KLHL1: variants seen among roughly 807,000 people sequenced by gnomAD.
The protein encoded by KLHL1 is kelch-like protein 1.
Under a neutral mutation model 77.7 loss-of-function variants are expected in KLHL1, and 47 were observed. The observed-to-expected ratio is 0.60, with a 90% CI of 0.48 to 0.77. The LOEUF (loss-of-function observed/expected upper bound fraction) is 0.77. Ranked by LOEUF, KLHL1 falls within the 30% of genes least tolerant of loss-of-function variation. KLHL1 has a pLI of 0.00. For synonymous variants in KLHL1, 360 were observed against 325.2 expected, an observed-to-expected ratio of 1.11 and a Z score of -1.15; for missense variants, 925 against 910.8, an observed-to-expected ratio of 1.02 and a Z score of -0.20.
intron 4 of KLHL1, among the ~76,000 whole-genome samples, chr13:69,913,493 G>T (rs1256786749): frequency 6.6e-6 from 1 of 152,226 alleles, no homozygotes; most frequent in East Asian, 1.9e-4. Context: ...ACAATTGAAA[G>T]ATGCTGCCTG....
intron 9 of KLHL1, among the ~76,000 whole-genome samples, chr13:69,715,118 G>A (rs916972272): frequency 6.6e-6 from 1 of 152,122 alleles, no homozygotes; most frequent in African/African-American, 2.4e-5. Flanking sequence ...AATTGGTATA[G>A]CTATTGTATC....
Position 69,826,712 on chromosome 13 carries a change from T to C in KLHL1, c.1414+12264A>G, listed in dbSNP as rs190057724. Reference sequence around the variant, plus strand: ...CAATATATACATATTCAAAGTATCATGTTTTAAACCTTAAATATATAAAAC... The same window carrying C: ...CAATATATACATATTCAAAGTATCACGTTTTAAACCTTAAATATATAAAAC... On this transcript the variant is annotated intron_variant, in intron 6 of 10. Coordinates refer to ENST00000377844, the MANE Select transcript of KLHL1 (RefSeq NM_020866.3). 1.1e-4 allele frequency among the ~76,000 whole-genome samples: 17 copies of C among 152,292 alleles called. No homozygotes were observed. In the East Asian group the frequency reaches 2.9e-3, roughly 26 times the overall value.
chr13:69,981,929 T>A (rs1884721664), intron 1 of KLHL1, among the ~76,000 whole-genome samples: 1 of 146,316 alleles, frequency 6.8e-6, no homozygotes, highest in African/African-American at 2.8e-5. Flanking sequence ...GAGGATACTA[T>A]TAAAATAATA....
intron 1 of KLHL1, among the ~76,000 whole-genome samples, chr13:70,081,068 A>T (rs946651353): frequency 3.3e-5 from 5 of 152,164 alleles, no homozygotes; most frequent in Admixed American, 3.3e-4. Flanking sequence ...GGGAAAAATT[A>T]TGCCATGTCC....
At chr13:70,015,262 A>G (rs1457319729) in intron 1 of KLHL1, among the ~76,000 whole-genome samples, 1 of 151,916 alleles carries the variant, frequency 6.6e-6, no homozygotes, top group African/African-American at 2.4e-5. Flanking sequence ...GATATAACCT[A>G]CTCCTCCTAG....
chr13:69,881,164 T>C (rs1880974814), intron 5 of KLHL1, among the ~76,000 whole-genome samples: 1 of 152,150 alleles, frequency 6.6e-6, no homozygotes, highest in African/African-American at 2.4e-5. Flanking sequence ...TTGCTGTTTT[T>C]TTCTCCTGTA....
chr13:69,831,950 A>T (rs993994342), intron 6 of KLHL1, among the ~76,000 whole-genome samples: 1 of 150,124 alleles, frequency 6.7e-6, no homozygotes, highest in African/African-American at 2.5e-5. Context: ...GACATACTTT[A>T]AGATAATAAA....
In KLHL1 at chr13:69,790,550, T is replaced by TAACA. The variant is rs376376802; in HGVS notation, c.1639+6184_1639+6187dup. Reference sequence around the variant, plus strand: ...AGATGTGAAATCTTCCACAAAATACTAACAAACAAATAAAGAAATACAGCA... The same window carrying TAACA: ...AGATGTGAAATCTTCCACAAAATACTAACAAACAAACAAATAAAGAAATACAGCA... On this transcript the variant is annotated intron_variant, in intron 7 of 10. Transcript: ENST00000377844. 6.4e-3 allele frequency among the ~76,000 whole-genome samples: 974 copies of TAACA among 152,192 alleles called. 8 individuals are homozygous for TAACA. The highest frequency in any genetic ancestry group is 0.021 in the African/African-American group (878 of 41,528).
chr13:69,878,948 G>T (rs1037715173), intron 5 of KLHL1, among the ~76,000 whole-genome samples: 1 of 152,126 alleles, frequency 6.6e-6, no homozygotes, highest in Non-Finnish European at 1.5e-5. Context: ...CATGTCCTTT[G>T]TAGGGACATG....
intron 1 of KLHL1, among the ~76,000 whole-genome samples, chr13:70,038,722 C>A (rs779981494): frequency 2.7e-5 from 4 of 150,850 alleles, no homozygotes; most frequent in African/African-American, 4.9e-5. Context: ...TCTAGAGTAG[C>A]TGGGATTACA....
intron 5 of KLHL1, among the ~76,000 whole-genome samples, chr13:69,863,527 T>C (rs1396173716): frequency 6.6e-6 from 1 of 152,086 alleles, no homozygotes; most frequent in Non-Finnish European, 1.5e-5. Context: ...TTTTCATGAT[T>C]GGTAAAACCT....
chr13:69,738,808 A>C (rs1217555988), intron 8 of KLHL1, among the ~76,000 whole-genome samples: 1 of 152,178 alleles, frequency 6.6e-6, no homozygotes, highest in East Asian at 1.9e-4. Context: ...GGAGAACAGA[A>C]CCAAGTTGGA....
chr13:69,945,042 G>C (rs1204896010), intron 3 of KLHL1, among the ~76,000 whole-genome samples: 1 of 134,864 alleles, frequency 7.4e-6, no homozygotes, highest in East Asian at 2.2e-4. Flanking sequence ...CTGGAGTGCA[G>C]TGGCGCCATC....
At chr13:69,954,719 A>G (rs1043812415) in intron 3 of KLHL1, among the ~76,000 whole-genome samples, 8 of 151,256 alleles carry the variant, frequency 5.3e-5, no homozygotes, top group Non-Finnish European at 5.9e-5. Context: ...CATAACAGTC[A>G]CAAAATTGAA....
chr13:69,900,177 C>T (rs953590413), intron 4 of KLHL1, among the ~76,000 whole-genome samples: 1 of 152,024 alleles, frequency 6.6e-6, no homozygotes, highest in Non-Finnish European at 1.5e-5. Flanking sequence ...CATCGAATTG[C>T]CTATAAAATT....
chr13:69,896,593 C>T (rs1881649494), intron 4 of KLHL1, among the ~76,000 whole-genome samples: 1 of 151,886 alleles, frequency 6.6e-6, no homozygotes, highest in Non-Finnish European at 1.5e-5. Flanking sequence ...ACAAATGTAT[C>T]ATATATGCTA....
chr13:69,722,106 C>T (rs554505252), intron 8 of KLHL1, among the ~76,000 whole-genome samples: 9 of 152,038 alleles, frequency 5.9e-5, no homozygotes, highest in South Asian at 4.1e-4. Context: ...CTGTGAGACA[C>T]CTAGCACAGC....
chr13:69,944,520 G>C (rs527637416), intron 3 of KLHL1, among the ~76,000 whole-genome samples: 4 of 152,174 alleles, frequency 2.6e-5, no homozygotes, highest in Non-Finnish European at 4.4e-5. Flanking sequence ...TGAACGGGGC[G>C]TTAGTCTTGG....
chr13:69,827,286 CATAAG>C (rs71853482), intron 6 of KLHL1, among the ~76,000 whole-genome samples: 20,145 of 151,610 alleles, frequency 0.13, 1,526 homozygotes, highest in African/African-American at 0.18. Flanking sequence ...TTTCTAAAAT[CATAAG>C]ATAAGGTTTA....
Sources: allele counts gnomAD v4.1 joint callset (sites outside exome capture counted in the v4.1 genomes callset), GRCh38; gene constraint gnomAD v4.1.1; transcripts MANE v1.5; gene names NCBI Gene and HGNC (gene_info 2026-07-23, HGNC 2026-07-21).